LARGE1: variants seen among roughly 807,000 people sequenced by gnomAD.
LARGE1 encodes the protein xylosyl- and glucuronyltransferase LARGE1.
Under a neutral mutation model 87.6 loss-of-function variants are expected in LARGE1, and 43 were observed. The ratio of observed to expected loss-of-function variants is 0.49; its 90% CI spans 0.38 to 0.63. The LOEUF (loss-of-function observed/expected upper bound fraction) is 0.63, where lower values mean the gene tolerates loss of function less well. LARGE1 is among the 30% of genes least tolerant of loss of function. The pLI is 0.00. For synonymous variants in LARGE1, 434 were observed against 394.6 expected, an observed-to-expected ratio of 1.10 and a Z score of -1.18; for missense variants, 802 against 1,000.2, an observed-to-expected ratio of 0.80 and a Z score of 2.67.
chr22:33,259,653 A>G (rs1927516473), intron 11 of LARGE1, among the ~76,000 whole-genome samples: 1 of 152,194 alleles, frequency 6.6e-6, no homozygotes, highest in East Asian at 1.9e-4. Flanking sequence ...CATTGAATCC[A>G]CAATTACTTG....
At chr22:33,169,579 C>T (rs555650276) in intron 11 of LARGE1, among the ~76,000 whole-genome samples, 2 of 152,092 alleles carry the variant, frequency 1.3e-5, no homozygotes, top group African/African-American at 2.4e-5. Context: ...GGGCTGGGCG[C>T]AGTGGCTCAC....
chr22:33,428,838 G>A (rs1277890153), intron 7 of LARGE1, among the ~76,000 whole-genome samples: 5 of 148,648 alleles, frequency 3.4e-5, no homozygotes, highest in Non-Finnish European at 7.4e-5. Flanking sequence ...GCTGAGGCAG[G>A]AGAATGGCGT....
rs552000741 is a variant in LARGE1, at chr22:33,338,719, G to A, written c.1132-918C>T. Among the ~76,000 whole-genome samples the A allele has an allele frequency of 5.9e-5, 9 of 152,280 alleles. No individual in the cohort carries two copies. In the South Asian group the frequency reaches 1.9e-3, roughly 32 times the overall value. Reference sequence around the variant, plus strand: ...AGTAGATGCTGGTTCTGACTACTGAGTGCCTAGAGTATAGAGGGCTGGGAA... The same window carrying A: ...AGTAGATGCTGGTTCTGACTACTGAATGCCTAGAGTATAGAGGGCTGGGAA... On this transcript the variant is annotated intron_variant, in intron 9 of 14. Coordinates refer to ENST00000397394, the MANE Select transcript of LARGE1 (RefSeq NM_133642.5).
chr22:33,269,686 T>C (rs924614800), downstream of LARGE1, among the ~76,000 whole-genome samples: 7 of 152,022 alleles, frequency 4.6e-5, no homozygotes, highest in African/African-American at 1.7e-4. Context: ...TGACATTTTT[T>C]CATTCCAGAA....
chr22:33,766,107 G>A (rs988708920), intron 1 of LARGE1, among the ~76,000 whole-genome samples: 3 of 152,098 alleles, frequency 2.0e-5, no homozygotes, highest in African/African-American at 7.2e-5. Flanking sequence ...CAAGAAGAAC[G>A]GAAGGAAGAA....
At chr22:33,638,464 C>G (rs1215684410) in intron 3 of LARGE1, among the ~76,000 whole-genome samples, 3 of 148,564 alleles carry the variant, frequency 2.0e-5, no homozygotes, top group Non-Finnish European at 4.4e-5. Context: ...AAGATGATCC[C>G]CATATAATGA....
chr22:33,463,224 A>G (rs1191951803), intron 6 of LARGE1, among the ~76,000 whole-genome samples: 2 of 152,160 alleles, frequency 1.3e-5, no homozygotes, highest in African/African-American at 4.8e-5. Context: ...AATTTAAATA[A>G]ATCCAACTAT....
the LARGE1 span, among the ~76,000 whole-genome samples, chr22:33,097,823 G>A: frequency 0.042 from 6,381 of 152,240 alleles, 331 homozygotes; most frequent in East Asian, 0.25. Context: ...CAGGGTTGTT[G>A]AGGAAATTAA....
At chr22:33,647,827 G>A (rs1481093511) in intron 3 of LARGE1, among the ~76,000 whole-genome samples, 2 of 151,848 alleles carry the variant, frequency 1.3e-5, no homozygotes, top group Non-Finnish European at 2.9e-5. Flanking sequence ...GCACCATCTC[G>A]GCTCACTGCA....
chr22:33,772,874 T>C (rs894246357), intron 1 of LARGE1, among the ~76,000 whole-genome samples: 2 of 148,670 alleles, frequency 1.3e-5, no homozygotes, highest in Non-Finnish European at 1.5e-5. Context: ...AATGAATGAA[T>C]GAACGAATGT....
rs200819807 is a variant in LARGE1 at position 33,277,266 on chromosome 22, C to T, written c.1878-11G>A. 30 of 1,613,608 alleles carry T rather than the reference C, an allele frequency of 1.9e-5. No homozygotes were observed. Among genetic ancestry groups the T allele is most frequent in the Middle Eastern group, 3.3e-4 (2 of 6,036 alleles). On this transcript the variant is annotated splice_polypyrimidine_tract_variant and intron_variant, in intron 13 of 14. Transcript: ENST00000397394. ...GTCCAGACGTGGTACCTGAGACACA[C>T]GGAGAAAAGCCATTGGGTGTAGGGA...
intron 10 of LARGE1, among the ~76,000 whole-genome samples, chr22:33,328,023 G>A (rs1034266038): frequency 1.3e-5 from 2 of 152,284 alleles, no homozygotes; most frequent in Middle Eastern, 3.4e-3. Flanking sequence ...CGTAGTCACA[G>A]AGCTTACATT....
At chr22:33,424,614 T>G (rs1345324270) in intron 7 of LARGE1, among the ~76,000 whole-genome samples, 1 of 151,948 alleles carries the variant, frequency 6.6e-6, no homozygotes, top group Non-Finnish European at 1.5e-5. Flanking sequence ...TTGCTTGAGC[T>G]CAGGATTCGA....
At chr22:33,709,293 G>A (rs1003860243) in intron 2 of LARGE1, among the ~76,000 whole-genome samples, 1 of 152,082 alleles carries the variant, frequency 6.6e-6, no homozygotes, top group Non-Finnish European at 1.5e-5. Flanking sequence ...CTGAAAACAC[G>A]ATCCCACCAC....
chr22:33,418,281 G>C (rs1221641266), intron 7 of LARGE1, among the ~76,000 whole-genome samples: 3 of 152,106 alleles, frequency 2.0e-5, no homozygotes, highest in Admixed American at 1.3e-4. Context: ...CATGTGATTA[G>C]AATGGGCCCA....
intron 7 of LARGE1, among the ~76,000 whole-genome samples, chr22:33,384,730 G>T (rs1240993188): frequency 6.7e-6 from 1 of 148,498 alleles, no homozygotes; most frequent in Admixed American, 6.7e-5. Flanking sequence ...TCAACTGTAC[G>T]TTTAAACATG....
At chr22:33,395,217 A>G (rs1440891373) in intron 7 of LARGE1, among the ~76,000 whole-genome samples, 2 of 102,910 alleles carry the variant, frequency 1.9e-5, no homozygotes, top group Admixed American at 2.4e-4. Context: ...TGACGCAGCG[A>G]CTCTGCCTCA....
chr22:33,868,311 C>G (rs2064169176), intron 1 of LARGE1, among the ~76,000 whole-genome samples: 1 of 152,120 alleles, frequency 6.6e-6, no homozygotes, highest in South Asian at 2.1e-4. Context: ...AATGCTAGTT[C>G]TATGTGGCTT....
chr22:33,077,244 A>C, the LARGE1 span, among the ~76,000 whole-genome samples: 2 of 152,206 alleles, frequency 1.3e-5, no homozygotes, highest in African/African-American at 4.8e-5. Context: ...TGTACCAGGC[A>C]TACTAATTTA....
Sources: allele counts gnomAD v4.1 joint callset (sites outside exome capture counted in the v4.1 genomes callset), GRCh38; gene constraint gnomAD v4.1.1; transcripts MANE v1.5; gene names NCBI Gene and HGNC (gene_info 2026-07-23, HGNC 2026-07-21).